Variants in ADGRA2 observed in about 807,000 individuals in gnomAD.
ADGRA2 encodes the protein G-protein coupled receptor 124.
Under a neutral mutation model 98.7 loss-of-function variants are expected in ADGRA2, and 61 were observed. The ratio of observed to expected loss-of-function variants is 0.62; its 90% confidence interval spans 0.50 to 0.76. The LOEUF is 0.76. Among genes scored for constraint, ADGRA2 ranks in the 30% least tolerant of loss-of-function variants. The pLI, the probability that ADGRA2 is intolerant of heterozygous loss-of-function variation, is 0.00. For synonymous variants in ADGRA2, 858 were observed against 831.5 expected, an observed-to-expected ratio of 1.03 and a Z score of -0.55; for missense variants, 1,712 against 1,860.0, an observed-to-expected ratio of 0.92 and a Z score of 1.46.
In ADGRA2 at chr8:37,813,040, G is replaced by A. The variant is rs541207557; in HGVS notation, c.267-1856G>A. Among the ~76,000 whole-genome samples the A allele has an allele frequency of 5.7e-4, 87 of 152,146 alleles. No individual in the cohort carries two copies. In the Middle Eastern group the frequency reaches 0.01, roughly 18 times the overall value. ...GGGGTATAGGAAGGGCATGAACTGGGGGTGGAGTGAGGCAGGCTTTGACTT... is the reference window on the plus strand; with the variant it reads ...GGGGTATAGGAAGGGCATGAACTGGAGGTGGAGTGAGGCAGGCTTTGACTT... On this transcript the variant is annotated intron_variant, in intron 1 of 18. Coordinates refer to ENST00000412232, the MANE Select transcript of ADGRA2 (RefSeq NM_032777.10).
chr8:37,833,222 AG>A lies in ADGRA2; in HGVS notation c.1296+17del. Reference sequence around the variant, plus strand: ...ACCTTCGTGCTGGTGAGGAGAGGCTAGGGCACCCCACCAGCTCTGCTTCGGG... The same window carrying A: ...ACCTTCGTGCTGGTGAGGAGAGGCTAGGCACCCCACCAGCTCTGCTTCGGG... On this transcript the variant is annotated intron_variant, in intron 9 of 18. Coordinates refer to ENST00000412232, the MANE Select transcript of ADGRA2 (RefSeq NM_032777.10). 6.3e-7 allele frequency: 1 copy of A among 1,590,570 alleles called. No individual in the cohort carries two copies. Among genetic ancestry groups the A allele is most frequent in the Non-Finnish European group, 8.6e-7 (1 of 1,166,312 alleles).
At chr8:37,829,362 G>A (rs183333056) in intron 4 of ADGRA2, 30 bp downstream of exon 4, 47 of 1,595,368 alleles carry the variant, frequency 2.9e-5, no homozygotes, top group Admixed American at 2.0e-4. Context: ...GTGGGGAGGG[G>A]AGGAGAGGGA....
At chr8:37,798,075 A>AG (rs1804391772) in intron 1 of ADGRA2, among the ~76,000 whole-genome samples, 1 of 151,972 alleles carries the variant, frequency 6.6e-6, no homozygotes, top group African/African-American at 2.4e-5. Flanking sequence ...CGGTCTCCTT[A>AG]GGGCAAGGGG....
At chr8:37,800,791 A>G (rs1024410989) in intron 1 of ADGRA2, among the ~76,000 whole-genome samples, 11 of 152,066 alleles carry the variant, frequency 7.2e-5, no homozygotes, top group African/African-American at 2.7e-4. Flanking sequence ...CTCATTTCCA[A>G]ACTCCTCCTT....
chr8:37,804,100 G>GAGACACACACACAC (rs1310425865), intron 1 of ADGRA2, among the ~76,000 whole-genome samples: 20 of 107,194 alleles, frequency 1.9e-4, no homozygotes, highest in African/African-American at 5.5e-4. Flanking sequence ...CCCACGGTGA[G>GAGACACACACACAC]ACACACACAC....
chr8:37,823,592 T>C (rs1042351221), intron 2 of ADGRA2, among the ~76,000 whole-genome samples: 3 of 152,212 alleles, frequency 2.0e-5, no homozygotes, highest in Non-Finnish European at 4.4e-5. Flanking sequence ...CTTGGATATA[T>C]ACCTAGGAGT....
Position 37,829,303 on chromosome 8 carries a change from C to T in ADGRA2, c.453C>T (p.Thr151=). ...GGATTGGCTGTCTCACCTCCGAGAC[C>T]TTCCAGGGCCTCCCCAGGCTTCTCC... ...NNRIGCLTSE[T]FQGLPRLLRL... The change falls in exon 4 of 19, where the codon ACC becomes ACT. Residue 151 remains threonine (T), a synonymous_variant. Transcript: ENST00000412232. 1.2e-6 allele frequency: 2 copies of T among 1,613,776 alleles called. No individual in the cohort carries two copies. Among genetic ancestry groups the T allele is most frequent in the Non-Finnish European group, 1.7e-6 (2 of 1,179,812 alleles).
chr8:37,823,233 G>A (rs1310991349), intron 2 of ADGRA2, among the ~76,000 whole-genome samples: 5 of 143,138 alleles, frequency 3.5e-5, no homozygotes, highest in Admixed American at 7.2e-5. Flanking sequence ...TCACTCTGGC[G>A]CCAGGCTAGA....
Position 37,797,496 on chromosome 8 carries a change from TC to T in ADGRA2, c.231del (p.Glu78SerfsTer14). 7.1e-7 allele frequency: 1 copy of T among 1,403,574 alleles called. No individual in the cohort carries two copies. Among genetic ancestry groups the T allele is most frequent in the Non-Finnish European group, 9.3e-7 (1 of 1,075,186 alleles). 86.9% of individuals were successfully genotyped at this position (1,403,574 alleles called of 1,614,324 possible). ...VCSGGDLPEP[P>X]EPGLLPNGTV... ...GCAGCGGCGGGGACCTCCCGGAGCC[TC>T]CCGAGCCCGGCCTTCTGCCTAACGG... On this transcript the variant is annotated frameshift_variant, in exon 1 of 19. Coordinates refer to ENST00000412232, the MANE Select transcript of ADGRA2 (RefSeq NM_032777.10). LOFTEE classifies it high-confidence loss of function. This position sits in a 1 kb window ranked among gnomAD's most constrained non-coding sequence, Gnocchi z 5.3.
At chr8:37,800,818 A>T (rs1002152940) in intron 1 of ADGRA2, among the ~76,000 whole-genome samples, 1 of 151,794 alleles carries the variant, frequency 6.6e-6, no homozygotes, top group African/African-American at 2.4e-5. Context: ...TTATTTATTT[A>T]TTTTTTCCTG....
At chr8:37,832,954 A>C in intron 8 of ADGRA2, 56 bp from the exon 9 acceptor site, 1 of 1,348,122 alleles carries the variant, frequency 7.4e-7, no homozygotes, top group Non-Finnish European at 1.1e-6. Context: ...AGTCGGGAGA[A>C]GGGCTGTTGT....
Position 37,803,863 on chromosome 8 carries a change from A to G in ADGRA2, c.266+6329A>G, listed in dbSNP as rs544946821. On this transcript the variant is annotated intron_variant, in intron 1 of 18. Coordinates refer to ENST00000412232, the MANE Select transcript of ADGRA2 (RefSeq NM_032777.10). ...TCCAGCCTCAACCAAGGGGCCAGAC[A>G]TCTCCCAGCTGGGAAGGGAAGAGAA... Among the ~76,000 whole-genome samples the G allele has an allele frequency of 1.4e-4, 22 of 152,018 alleles. No homozygotes were observed. In the East Asian group the frequency reaches 3.3e-3, roughly 23 times the overall value.
At chr8:37,825,215 G>T (rs745687313) in intron 2 of ADGRA2, among the ~76,000 whole-genome samples, 4 of 152,128 alleles carry the variant, frequency 2.6e-5, no homozygotes, top group Non-Finnish European at 5.9e-5. Flanking sequence ...GAGAAACGGA[G>T]GGATCAGATC....
chr8:37,829,645 A>G (rs543339804), intron 5 of ADGRA2, 86 bp downstream of exon 5: 3 of 1,080,748 alleles, frequency 2.8e-6, no homozygotes, highest in Admixed American at 1.7e-5. Flanking sequence ...GACCACCAGG[A>G]CTGGTCTCAC....
At chr8:37,826,796 G>A (rs1239050741) in intron 2 of ADGRA2, among the ~76,000 whole-genome samples, 1 of 152,160 alleles carries the variant, frequency 6.6e-6, no homozygotes, top group Non-Finnish European at 1.5e-5. Flanking sequence ...TGAGGTTGTG[G>A]TGGGCAGGGC....
intron 13 of ADGRA2, among the ~76,000 whole-genome samples, chr8:37,837,221 C>A (rs1805642281): frequency 6.6e-6 from 1 of 152,182 alleles, no homozygotes; most frequent in Non-Finnish European, 1.5e-5. Context: ...AGGTGAAAGC[C>A]CTGTGTCCGC....
intron 13 of ADGRA2, among the ~76,000 whole-genome samples, chr8:37,836,038 A>AACACACACACACAC (rs58082798): frequency 1.4e-4 from 17 of 124,574 alleles, no homozygotes; most frequent in South Asian, 2.8e-4. Context: ...AGCCCCCTCC[A>AACACACACACACAC]ACACACACAC....
chr8:37,831,663 G>T, intron 8 of ADGRA2, 76 bp downstream of exon 8: 1 of 1,346,952 alleles, frequency 7.4e-7, no homozygotes, highest in Non-Finnish European at 1.0e-6. Context: ...CAGGTGGCCA[G>T]AGTTTCCCCA....
In ADGRA2 at chr8:37,841,848, C is replaced by A; in HGVS notation, c.3510C>A (p.His1170Gln). 1 of 1,532,710 alleles carries A rather than the reference C, an allele frequency of 6.5e-7. No homozygotes were observed. The highest frequency in any genetic ancestry group is 8.7e-7 in the Non-Finnish European group (1 of 1,145,598). 94.9% of individuals were successfully genotyped at this position (1,532,710 alleles called of 1,614,324 possible). A position where few individuals can be genotyped will look rare whatever the true frequency, so the allele number is the denominator to read the frequency against. The change falls in exon 19 of 19, where the codon CAC becomes CAA. Residue 1170 changes from histidine to glutamine, a missense_variant. Physicochemically the swap from His to Gln is conservative, Grantham distance 24. Coordinates refer to ENST00000412232, the MANE Select transcript of ADGRA2 (RefSeq NM_032777.10). This position sits in a 1 kb window ranked among gnomAD's most constrained non-coding sequence, Gnocchi z 5.0. ...CGGGCACCCGGGGAAACCTCGCCCA[C>A]CGCCACCCCAACAACGTGCACCACG... is the stretch of plus-strand genomic sequence containing the variant. Reference protein sequence around the residue: ...EPAGTRGNLAHRHPNNVHHGR... With the variant: ...EPAGTRGNLAQRHPNNVHHGR...
Sources: gnomAD v4.1 joint callset for allele counts (sites outside exome capture counted in the v4.1 genomes callset) on GRCh38, gnomAD v4.1.1 for gene constraint, Gnocchi (gnomAD v3.1) non-coding constraint, MANE v1.5 for transcripts, NCBI Gene and HGNC (gene_info 2026-07-23, HGNC 2026-07-21) for gene names.